UGGT2: variants seen among roughly 807,000 people sequenced by gnomAD.
UGGT2 encodes the protein UDP-glucose glycoprotein glucosyltransferase 2, also known as UDP-glucose:glycoprotein glucosyltransferase 2.
A neutral mutation model predicts 192.1 loss-of-function variants in UGGT2; 180 were observed. The ratio of observed to expected loss-of-function variants is 0.94; its 90% CI spans 0.83 to 1.06. The LOEUF is 1.06. Ranked by LOEUF, UGGT2 falls within the 50% of genes least tolerant of loss-of-function variation. The pLI, the probability that UGGT2 is intolerant of heterozygous loss-of-function variation, is 0.00. For synonymous variants in UGGT2, 580 were observed against 591.0 expected (o/e 0.98, Z 0.27); for missense variants, 1,849 against 1,795.7 (o/e 1.03, Z -0.54).
At chr13:96,019,323 A>G (rs531748384) in intron 4 of UGGT2, among the ~76,000 whole-genome samples, 1 of 152,278 alleles carries the variant, frequency 6.6e-6, no homozygotes, top group East Asian at 1.9e-4. Context: ...CCCACATTCC[A>G]CAGGGAGAAG....
intron 5 of UGGT2, among the ~76,000 whole-genome samples, chr13:96,004,049 T>C (rs958647899): frequency 2.0e-5 from 3 of 152,128 alleles, no homozygotes; most frequent in East Asian, 3.9e-4. Flanking sequence ...CAATCATATA[T>C]TACTGCTTTC....
intron 4 of UGGT2, among the ~76,000 whole-genome samples, chr13:96,015,044 C>T (rs768998321): frequency 5.9e-5 from 9 of 151,810 alleles, no homozygotes; most frequent in African/African-American, 1.9e-4. Context: ...TTTGGGAGGC[C>T]GAGGTGGGCG....
At chr13:95,876,974 C>A (rs563452655) in intron 29 of UGGT2, 2 of 194,966 alleles carry the variant, frequency 1.0e-5, no homozygotes, top group South Asian at 3.2e-4. Context: ...CTCCGCCTCC[C>A]GAAGATTCAA....
chr13:95,993,838 A>C (rs540594728), intron 7 of UGGT2, among the ~76,000 whole-genome samples: 6 of 152,270 alleles, frequency 3.9e-5, no homozygotes, highest in South Asian at 4.1e-4. Context: ...TGCCTGGATA[A>C]AGAAATCATA....
chr13:95,897,040 C>T (rs1458958440), intron 22 of UGGT2, among the ~76,000 whole-genome samples: 1 of 152,038 alleles, frequency 6.6e-6, no homozygotes, highest in Non-Finnish European at 1.5e-5. Flanking sequence ...GCTAGTGTAA[C>T]ACAAATTAAG....
intron 20 of UGGT2, among the ~76,000 whole-genome samples, chr13:95,911,323 T>G (rs970589261): frequency 6.6e-6 from 1 of 151,838 alleles, no homozygotes. Context: ...AAGAACAAAA[T>G]TGATAGACTG....
chr13:96,026,808 A>C (rs1442515466), intron 2 of UGGT2, among the ~76,000 whole-genome samples: 4 of 151,854 alleles, frequency 2.6e-5, no homozygotes, highest in African/African-American at 9.7e-5. Flanking sequence ...AGTAGCTGGG[A>C]CTACAGGCGC....
At chr13:96,047,249 C>T (rs574876979) in intron 1 of UGGT2, among the ~76,000 whole-genome samples, 5 of 152,256 alleles carry the variant, frequency 3.3e-5, no homozygotes, top group South Asian at 2.1e-4. Context: ...CTCATACAGC[C>T]GGGTGCCCCT....
chr13:95,801,959 C>T (rs547988022), intron 38 of UGGT2, 147 bp from the exon 39 acceptor site: 27 of 812,780 alleles, frequency 3.3e-5, no homozygotes, highest in Admixed American at 2.0e-4. Context: ...TTACGCAACA[C>T]GAGAATAGCT....
At chr13:95,981,642 T>C (rs1487591255) in intron 10 of UGGT2, among the ~76,000 whole-genome samples, 1 of 152,202 alleles carries the variant, frequency 6.6e-6, no homozygotes, top group Admixed American at 6.5e-5. Flanking sequence ...CATTATTACT[T>C]CTTTTTTCGG....
chr13:95,806,997 A>G (rs1192235858), intron 38 of UGGT2, among the ~76,000 whole-genome samples: 1 of 152,190 alleles, frequency 6.6e-6, no homozygotes, highest in African/African-American at 2.4e-5. Flanking sequence ...CCTGAATAAC[A>G]TGGGGGTTAG....
intron 1 of UGGT2, among the ~76,000 whole-genome samples, chr13:96,045,860 C>A (rs751721639): frequency 3.3e-5 from 5 of 152,038 alleles, no homozygotes; most frequent in African/African-American, 4.8e-5. Context: ...TGGAACCATA[C>A]CCCACGCTCA....
intron 12 of UGGT2, among the ~76,000 whole-genome samples, chr13:95,962,165 T>C (rs1263766831): frequency 1.3e-5 from 2 of 151,720 alleles, no homozygotes; most frequent in Non-Finnish European, 2.9e-5. Context: ...TAATGATGCA[T>C]CTCAAGGAAA....
At chr13:95,866,149 G>A (rs1029643332) in intron 30 of UGGT2, among the ~76,000 whole-genome samples, 4 of 151,922 alleles carry the variant, frequency 2.6e-5, no homozygotes, top group African/African-American at 9.7e-5. Flanking sequence ...TTTCTCTGAA[G>A]GCATGTTAAA....
intron 20 of UGGT2, among the ~76,000 whole-genome samples, chr13:95,911,786 A>C (rs1392409846): frequency 6.6e-6 from 1 of 152,204 alleles, no homozygotes; most frequent in African/African-American, 2.4e-5. Context: ...CAACAAAAAA[A>C]AGAGAATTTT....
intron 2 of UGGT2, among the ~76,000 whole-genome samples, chr13:96,024,497 CTG>C (rs1290478089): frequency 6.6e-6 from 1 of 152,210 alleles, no homozygotes; most frequent in East Asian, 1.9e-4. Context: ...AACTTTCTGT[CTG>C]TGCCCTTTTC....
At chr13:95,933,469 C>G (rs957918931) in intron 17 of UGGT2, among the ~76,000 whole-genome samples, 3 of 152,110 alleles carry the variant, frequency 2.0e-5, no homozygotes, top group African/African-American at 7.2e-5. Flanking sequence ...GTTAATCTAG[C>G]TAGTGGTCTA....
intron 23 of UGGT2, 40 bp downstream of exon 23, chr13:95,895,140 C>A: frequency 1.3e-6 from 2 of 1,536,256 alleles, no homozygotes; most frequent in East Asian, 2.5e-5. Context: ...CTCAAAATAC[C>A]AAACCCAAAA....
At chr13:95,909,971 A>C in intron 20 of UGGT2, among the ~76,000 whole-genome samples, 1 of 152,130 alleles carries the variant, frequency 6.6e-6, no homozygotes, top group East Asian at 1.9e-4. Flanking sequence ...TCAGCCCAGA[A>C]TTTAATATCC....
Sources: gnomAD v4.1 joint callset for allele counts (sites outside exome capture counted in the v4.1 genomes callset) on GRCh38, gnomAD v4.1.1 for gene constraint, MANE v1.5 for transcripts, NCBI Gene and HGNC (gene_info 2026-07-23, HGNC 2026-07-21) for gene names.